RBFOX3: variants seen among roughly 807,000 people sequenced by gnomAD.
The protein encoded by RBFOX3 is RNA binding protein fox-1 homolog 3.
A neutral mutation model predicts 48.7 loss-of-function variants in RBFOX3; 17 were observed. That is an observed-to-expected ratio of 0.35 (90% CI 0.24 to 0.52). RBFOX3 has a LOEUF of 0.52. Ranked by LOEUF, RBFOX3 falls within the 20% of genes least tolerant of loss-of-function variation. The pLI is 0.94. For synonymous variants in RBFOX3, 212 were observed against 209.5 expected (o/e 1.01, Z -0.10); for missense variants, 382 against 497.5 (o/e 0.77, Z 2.21).
At chr17:79,664,426 G>A in the RBFOX3 span, among the ~76,000 whole-genome samples, 3 of 151,458 alleles carry the variant, frequency 2.0e-5, no homozygotes, top group Admixed American at 1.3e-4. Context: ...GCTCACTGCA[G>A]GCTCCGCCCC....
chr17:79,220,348 A>G lies in RBFOX3; in HGVS notation c.-34+15418T>C, dbSNP rs2059579320. 1.3e-5 allele frequency among the ~76,000 whole-genome samples: 2 copies of G among 152,078 alleles called. No homozygotes were observed. Among genetic ancestry groups the G allele is most frequent in the Non-Finnish European group, 2.9e-5 (2 of 68,010 alleles). Reference sequence around the variant, plus strand: ...AGCTGTCACTTGCAGCTGTCTTAGGAAGTGCGGCTCTCCTCTCTGCCTCCC... The same window carrying G: ...AGCTGTCACTTGCAGCTGTCTTAGGGAGTGCGGCTCTCCTCTCTGCCTCCC... On this transcript the variant is annotated intron_variant, in intron 4 of 14. Coordinates refer to ENST00000693108, the MANE Select transcript of RBFOX3 (RefSeq NM_001350451.2). This position sits in a 1 kb window ranked among gnomAD's most constrained non-coding sequence, Gnocchi z 5.9.
At chr17:79,383,371 C>G (rs946330862) in intron 2 of RBFOX3, among the ~76,000 whole-genome samples, 1 of 152,266 alleles carries the variant, frequency 6.6e-6, no homozygotes, top group Admixed American at 6.5e-5. Context: ...TCCACCACCC[C>G]ACGGCCGCGG....
rs1263521426 is a variant in RBFOX3, at chr17:79,362,052, A to G, written c.-174-54228T>C. Among the ~76,000 whole-genome samples, 1 of 152,010 alleles carries G rather than the reference A, an allele frequency of 6.6e-6. No individual in the cohort carries two copies. Among genetic ancestry groups the G allele is most frequent in the Non-Finnish European group, 1.5e-5 (1 of 68,024 alleles). On this transcript the variant is annotated intron_variant, in intron 2 of 14. Coordinates refer to ENST00000693108, the MANE Select transcript of RBFOX3 (RefSeq NM_001350451.2). The surrounding 1 kb of genome is among the most constrained non-coding windows in gnomAD (Gnocchi z 4.2). Reference sequence around the variant, plus strand: ...GACGAATGTTCCCTGCCTGCTGCGTATTTACTCAGTCATCAAAGCGCAAAT... The same window carrying G: ...GACGAATGTTCCCTGCCTGCTGCGTGTTTACTCAGTCATCAAAGCGCAAAT...
intron 4 of RBFOX3, among the ~76,000 whole-genome samples, chr17:79,219,292 C>T (rs551855559): frequency 7.4e-4 from 113 of 152,328 alleles, no homozygotes; most frequent in African/African-American, 2.6e-3. Flanking sequence ...TCACCCTACA[C>T]GGAAAGCACA....
intron 3 of RBFOX3, among the ~76,000 whole-genome samples, chr17:79,273,670 T>C (rs1357733879): frequency 6.6e-6 from 1 of 152,080 alleles, no homozygotes; most frequent in Non-Finnish European, 1.5e-5. Flanking sequence ...AAGATGGGCA[T>C]TGGTACCACA....
intron 4 of RBFOX3, among the ~76,000 whole-genome samples, chr17:79,132,424 G>A (rs1277764989): frequency 6.6e-6 from 1 of 152,236 alleles, no homozygotes; most frequent in African/African-American, 2.4e-5. Flanking sequence ...TGAGGCTGTA[G>A]CTCTGAGTGT....
intron 3 of RBFOX3, among the ~76,000 whole-genome samples, chr17:79,277,213 A>G (rs1329962949): frequency 6.8e-6 from 1 of 147,784 alleles, no homozygotes; most frequent in East Asian, 2.0e-4. Flanking sequence ...TACACATGGC[A>G]CAGCCTGGTT....
chr17:79,255,792 C>T (rs567984662), intron 3 of RBFOX3, among the ~76,000 whole-genome samples: 36 of 151,932 alleles, frequency 2.4e-4, no homozygotes, highest in Admixed American at 9.8e-4. Flanking sequence ...AATTCCCCTT[C>T]CTAGAGGGGC....
chr17:79,362,195 C>A lies in RBFOX3; in HGVS notation c.-174-54371G>T, dbSNP rs112457297. 5.3e-5 allele frequency among the ~76,000 whole-genome samples: 8 copies of A among 152,352 alleles called. No homozygotes were observed. The highest frequency in any genetic ancestry group is 1.9e-4 in the African/African-American group (8 of 41,592). On this transcript the variant is annotated intron_variant, in intron 2 of 14. Transcript: ENST00000693108. This position sits in a 1 kb window ranked among gnomAD's most constrained non-coding sequence, Gnocchi z 4.2. ...ACAGAGTTTGCCTCCTGCCTCACACCGGGGTCTTTCAGCCTGAGGTGAGCG... is the reference window on the plus strand; with the variant it reads ...ACAGAGTTTGCCTCCTGCCTCACACAGGGGTCTTTCAGCCTGAGGTGAGCG...
chr17:79,242,855 C>T lies in RBFOX3; in HGVS notation c.-73-7050G>A, dbSNP rs1382638824. On this transcript the variant is annotated intron_variant, in intron 3 of 14. Transcript: ENST00000693108. The surrounding 1 kb of genome is among the most constrained non-coding windows in gnomAD (Gnocchi z 5.8). The stretch of plus-strand genomic sequence containing the variant: ...TCTCCCAGGAAGCCCGGGCAGGGCT[C>T]CACAGCAACCTGCCTGGAGTCCCAC... 6.6e-6 allele frequency among the ~76,000 whole-genome samples: 1 copy of T among 152,162 alleles called. No individual in the cohort carries two copies. The highest frequency in any genetic ancestry group is 2.4e-5 in the African/African-American group (1 of 41,444).
At chr17:79,141,551 G>A (rs1358115663) in intron 4 of RBFOX3, among the ~76,000 whole-genome samples, 2 of 152,184 alleles carry the variant, frequency 1.3e-5, no homozygotes, top group African/African-American at 4.8e-5. Flanking sequence ...CAGCAGGGGA[G>A]GGTCAGGTGG....
In RBFOX3 at chr17:79,423,225, G is replaced by A. The variant is rs1183514194; in HGVS notation, c.-175+59229C>T. On this transcript the variant is annotated intron_variant, in intron 2 of 14. Coordinates refer to ENST00000693108, the MANE Select transcript of RBFOX3 (RefSeq NM_001350451.2). This position sits in a 1 kb window ranked among gnomAD's most constrained non-coding sequence, Gnocchi z 4.9. ...CCTCACGTCCTGCGGTCTCCCCGTG[G>A]AAGCCCCATCTTTCCAGGTTCCCAG... Among the ~76,000 whole-genome samples, 1 of 152,150 alleles carries A rather than the reference G, an allele frequency of 6.6e-6. No homozygotes were observed. Among genetic ancestry groups the A allele is most frequent in the Non-Finnish European group, 1.5e-5 (1 of 68,026 alleles).
intron 2 of RBFOX3, among the ~76,000 whole-genome samples, chr17:79,349,337 A>G (rs1379545995): frequency 6.6e-6 from 1 of 151,904 alleles, no homozygotes; most frequent in Non-Finnish European, 1.5e-5. Context: ...TCAGCCACAC[A>G]GCCTTGCTGG....
chr17:79,303,812 A>C (rs1047577708), intron 3 of RBFOX3, among the ~76,000 whole-genome samples: 2 of 151,726 alleles, frequency 1.3e-5, no homozygotes, highest in Admixed American at 1.3e-4. Context: ...TGTGCGGTAC[A>C]CAGTGTGCAT....
rs1016615086 is a variant in RBFOX3, at chr17:79,418,797, C to T, written c.-175+63657G>A. 1.3e-5 allele frequency among the ~76,000 whole-genome samples: 2 copies of T among 152,062 alleles called. No homozygotes were observed. Among genetic ancestry groups the T allele is most frequent in the South Asian group, 2.1e-4 (1 of 4,816 alleles). On this transcript the variant is annotated intron_variant, in intron 2 of 14. Coordinates refer to ENST00000693108, the MANE Select transcript of RBFOX3 (RefSeq NM_001350451.2). This position sits in a 1 kb window ranked among gnomAD's most constrained non-coding sequence, Gnocchi z 5.0. ...CCAAAAAGTGAGGGAGGACATGGCA[C>T]GGAAGACCCAGCCCCTTCCCATGCA...
chr17:79,109,052 G>A (rs968332407), intron 5 of RBFOX3, among the ~76,000 whole-genome samples: 1 of 152,254 alleles, frequency 6.6e-6, no homozygotes, highest in Non-Finnish European at 1.5e-5. Context: ...CAGCAGACGC[G>A]CCATGTGGTA....
chr17:79,554,463 T>C (rs1289932512), intron 1 of RBFOX3, among the ~76,000 whole-genome samples: 42,143 of 69,610 alleles, frequency 0.61, 14,042 homozygotes, highest in Non-Finnish European at 0.74. Context: ...CAGTCACCCC[T>C]CACCTGGCCC....
chr17:79,544,179 G>A (rs1261577986), intron 1 of RBFOX3, among the ~76,000 whole-genome samples: 1 of 152,200 alleles, frequency 6.6e-6, no homozygotes, highest in East Asian at 1.9e-4. Flanking sequence ...GGTTGGTGTG[G>A]TCCCTGGACT....
chr17:79,144,856 T>C (rs1300679340), intron 4 of RBFOX3, among the ~76,000 whole-genome samples: 1 of 152,102 alleles, frequency 6.6e-6, no homozygotes, highest in African/African-American at 2.4e-5. Flanking sequence ...CGCCCTCCCT[T>C]CACAGATGTC....
Sources: gnomAD v4.1 joint callset for allele counts (sites outside exome capture counted in the v4.1 genomes callset) on GRCh38, gnomAD v4.1.1 for gene constraint, Gnocchi (gnomAD v3.1) non-coding constraint, MANE v1.5 for transcripts, NCBI Gene and HGNC (gene_info 2026-07-23, HGNC 2026-07-21) for gene names.